Variants in PHIP observed in about 807,000 individuals in gnomAD.
PHIP encodes the protein PH-interacting protein.
In PHIP, 54 loss-of-function variants were observed where a neutral mutation model predicts 236.8. The ratio of observed to expected loss-of-function variants is 0.23; its 90% CI spans 0.18 to 0.29. The LOEUF is 0.29. Among genes scored for constraint, PHIP ranks in the 10% least tolerant of loss-of-function variants. The probability of loss-of-function intolerance (pLI) is 1.00; values close to 1 mark genes in which losing one functional copy is unlikely to be tolerated. For missense variants in PHIP, 1,370 were observed against 2,190.8 expected (o/e 0.63, Z 7.48); for synonymous variants, 756 against 718.9 (o/e 1.05, Z -0.83).
At chr6:79,055,176 A>C (rs912309434) in intron 6 of PHIP, among the ~76,000 whole-genome samples, 2 of 152,138 alleles carry the variant, frequency 1.3e-5, no homozygotes, top group Admixed American at 6.6e-5. Flanking sequence ...GACAAATGAA[A>C]GACCTAGAGA....
At chr6:79,025,805 T>C (rs1412293108) in intron 8 of PHIP, 138 bp downstream of exon 8, 3 of 705,764 alleles carry the variant, frequency 4.3e-6, no homozygotes, top group Non-Finnish European at 7.2e-6. Context: ...TTCATTTTAG[T>C]TGGCCTTATA....
chr6:79,067,611 C>T (rs1773686694), intron 4 of PHIP: 1 of 152,078 alleles, frequency 6.6e-6, no homozygotes, highest in Non-Finnish European at 1.5e-5. Context: ...AATAACAATG[C>T]TTAGCTTAAT....
rs958570695 is a variant in PHIP, at chr6:78,954,975, GTGTTCAAATA to G, written c.3904-22_3904-13del. 1.3e-6 allele frequency: 2 copies of G among 1,525,910 alleles called. No homozygotes were observed. Among genetic ancestry groups the G allele is most frequent in the African/African-American group, 2.8e-5 (2 of 70,532 alleles). The allele number at this position is 1,525,910 out of a possible 1,614,324, so 94.5% of individuals were successfully genotyped here. A position where few individuals can be genotyped will look rare whatever the true frequency, so the allele number is the denominator to read the frequency against. ...CTAGGCTGATGGTCCTGTGATAAAA[GTGTTCAAATA>G]TATTAATAAAAGAGCACTTACACAA... On this transcript the variant is annotated splice_polypyrimidine_tract_variant and intron_variant, in intron 34 of 39. Coordinates refer to ENST00000275034, the MANE Select transcript of PHIP (RefSeq NM_017934.7).
chr6:78,982,177 G>A (rs1020337949), intron 23 of PHIP, among the ~76,000 whole-genome samples: 3 of 151,790 alleles, frequency 2.0e-5, no homozygotes, highest in Non-Finnish European at 2.9e-5. Flanking sequence ...CATGCCCCTC[G>A]TGTTGTATTT....
chr6:79,029,979 AT>A (rs1176342739), intron 7 of PHIP, among the ~76,000 whole-genome samples: 3 of 152,210 alleles, frequency 2.0e-5, no homozygotes, highest in African/African-American at 4.8e-5. Context: ...AAAGAGTAAG[AT>A]ATTATAGTCT....
Position 78,937,046 on chromosome 6 carries a change from T to G in PHIP, c.*3647A>C, listed in dbSNP as rs1366930563. On this transcript the variant is annotated 3_prime_UTR_variant, in exon 40 of 40. Coordinates refer to ENST00000275034, the MANE Select transcript of PHIP (RefSeq NM_017934.7). The stretch of plus-strand genomic sequence containing the variant: ...TTTTAGGTTAATAGGAGTAATCAGA[T>G]GATAAAACTACTTCCCCTATTATGA... 1.3e-5 allele frequency: 2 copies of G among 151,776 alleles called. No individual in the cohort carries two copies. Among genetic ancestry groups the G allele is most frequent in the African/African-American group, 4.8e-5 (2 of 41,408 alleles). 9.4% of individuals were successfully genotyped at this position (151,776 alleles called of 1,614,324 possible). A position where few individuals can be genotyped will look rare whatever the true frequency, so the allele number is the denominator to read the frequency against.
intron 6 of PHIP, among the ~76,000 whole-genome samples, chr6:79,049,429 T>C (rs892578893): frequency 2.0e-5 from 3 of 152,176 alleles, no homozygotes; most frequent in African/African-American, 7.2e-5. Context: ...AGGTTTTCTG[T>C]AAATAAAATG....
chr6:78,957,077 T>C (rs1173894135), intron 32 of PHIP: 1 of 152,094 alleles, frequency 6.6e-6, no homozygotes, highest in Non-Finnish European at 1.5e-5. Flanking sequence ...AAAAATGCCA[T>C]GGATTTATTT....
intron 4 of PHIP, among the ~76,000 whole-genome samples, chr6:79,070,933 T>G (rs895362149): frequency 6.6e-6 from 1 of 152,234 alleles, no homozygotes; most frequent in African/African-American, 2.4e-5. Context: ...GAAGGCCTGC[T>G]GTACATGAAT....
At position 78,965,692 on chromosome 6, in the gene PHIP, C is replaced by T. The variant is rs370732093; in HGVS notation, c.3379+11G>A. On this transcript the variant is annotated intron_variant, in intron 29 of 39. Coordinates refer to ENST00000275034, the MANE Select transcript of PHIP (RefSeq NM_017934.7). ...CATAATGGAGAAACAAAAAGCCTAA[C>T]ACACACTTACCATTATTAGGTATAA... is the stretch of plus-strand genomic sequence containing the variant. The T allele has an allele frequency of 2.0e-4, 288 of 1,470,940 alleles. No individual in the cohort carries two copies. Among genetic ancestry groups the T allele is most frequent in the Non-Finnish European group, 2.4e-4 (257 of 1,058,940 alleles). The allele number at this position is 1,470,940 out of a possible 1,614,324, so 91.1% of individuals were successfully genotyped here.
chr6:78,975,421 T>A (rs1304189328), intron 24 of PHIP, among the ~76,000 whole-genome samples: 2 of 152,218 alleles, frequency 1.3e-5, no homozygotes, highest in Non-Finnish European at 2.9e-5. Flanking sequence ...AATATCATAC[T>A]GAATGGGCAA....
intron 21 of PHIP, among the ~76,000 whole-genome samples, chr6:78,986,101 G>A (rs979770867): frequency 1.3e-5 from 2 of 151,888 alleles, no homozygotes; most frequent in African/African-American, 4.8e-5. Flanking sequence ...TCTTCTATAG[G>A]TGCTTTGAGA....
At chr6:79,012,711 A>G (rs1770652253) in intron 15 of PHIP, among the ~76,000 whole-genome samples, 1 of 151,778 alleles carries the variant, frequency 6.6e-6, no homozygotes, top group African/African-American at 2.4e-5. Flanking sequence ...GATAGCAAGC[A>G]GTGAGAACGC....
chr6:79,070,316 T>G (rs919207357), intron 4 of PHIP, among the ~76,000 whole-genome samples: 6 of 152,210 alleles, frequency 3.9e-5, no homozygotes, highest in Non-Finnish European at 7.3e-5. Context: ...CGAAACATCC[T>G]TTAACTGCTT....
At chr6:78,995,803 G>A (rs1056541169) in intron 19 of PHIP, among the ~76,000 whole-genome samples, 8 of 152,120 alleles carry the variant, frequency 5.3e-5, no homozygotes, top group Non-Finnish European at 1.2e-4. Flanking sequence ...TTTAATTAAT[G>A]GATGAGGCTG....
At chr6:78,973,172 G>A (rs948162033) in intron 24 of PHIP, among the ~76,000 whole-genome samples, 2 of 152,200 alleles carry the variant, frequency 1.3e-5, no homozygotes, top group East Asian at 1.9e-4. Flanking sequence ...GACTAACAGC[G>A]GATCTCTCAG....
At chr6:78,979,733 C>T (rs1538235) in intron 23 of PHIP, among the ~76,000 whole-genome samples, 69,111 of 151,796 alleles carry the variant, frequency 0.46, 16,311 homozygotes, top group East Asian at 0.69. Flanking sequence ...GTGAATCACA[C>T]GTAAAACATT....
In PHIP at chr6:79,019,158, G is replaced by A; in HGVS notation, c.925C>T (p.Pro309Ser). The A allele has an allele frequency of 6.2e-7, 1 of 1,606,710 alleles. No individual in the cohort carries two copies. ...LWDAGTLKIN[P>S]RPAKFTERPR... ...CGCTCTGTAAATTTTGCAGGTCTTG[G>A]GCTGTAATACAAAAAATAAAGAATT... is the stretch of plus-strand genomic sequence containing the variant. The change falls in exon 10 of 40, where the codon CCA becomes TCA. Residue 309 changes from proline to serine, a missense_variant and splice_region_variant. By Grantham distance (74) the Pro-to-Ser change is moderately conservative (BLOSUM62 -1). Transcript: ENST00000275034.
At chr6:79,043,749 G>A (rs559129639) in intron 6 of PHIP, among the ~76,000 whole-genome samples, 1 of 151,398 alleles carries the variant, frequency 6.6e-6, no homozygotes, top group Admixed American at 6.6e-5. Flanking sequence ...GTAACTTATG[G>A]ACAAAGAAGG....
Sources: gnomAD v4.1 joint callset for allele counts (sites outside exome capture counted in the v4.1 genomes callset) on GRCh38, gnomAD v4.1.1 for gene constraint, MANE v1.5 for transcripts, NCBI Gene and HGNC (gene_info 2026-07-23, HGNC 2026-07-21) for gene names.